Variants in SIPA1L3 observed in about 807,000 individuals in gnomAD.
The protein encoded by SIPA1L3 is signal-induced proliferation-associated 1-like protein 3.
Under a neutral mutation model 150.1 loss-of-function variants are expected in SIPA1L3, and 59 were observed. The ratio of observed to expected loss-of-function variants is 0.39; its 90% confidence interval spans 0.32 to 0.49. The LOEUF (loss-of-function observed/expected upper bound fraction) is 0.49, where lower values mean the gene tolerates loss of function less well. Among genes scored for constraint, SIPA1L3 ranks in the 20% least tolerant of loss-of-function variants. The pLI is 0.86. For missense variants in SIPA1L3, 2,211 were observed against 2,489.5 expected, an observed-to-expected ratio of 0.89 and a Z score of 2.38; for synonymous variants, 1,070 against 1,077.6, an observed-to-expected ratio of 0.99 and a Z score of 0.14.
At chr19:38,181,845 CA>C (rs572648983) in intron 15 of SIPA1L3, among the ~76,000 whole-genome samples, 6,605 of 62,894 alleles carry the variant, frequency 0.11, 151 homozygotes, top group South Asian at 0.16. Context: ...GACTCTGTCT[CA>C]AAAAAAAAAA....
intron 2 of SIPA1L3, among the ~76,000 whole-genome samples, chr19:38,039,694 A>T: frequency 2.0e-4 from 1 of 5,058 alleles, no homozygotes; most frequent in East Asian, 0.011. Context: ...ACTCTGTCTC[A>T]AAAAAAAAAA....
At chr19:38,034,850 T>C (rs1968743449) in intron 2 of SIPA1L3, among the ~76,000 whole-genome samples, 1 of 152,206 alleles carries the variant, frequency 6.6e-6, no homozygotes, top group Admixed American at 6.5e-5. Context: ...CTTCTAGCCT[T>C]TTCTTTCTCT....
chr19:37,945,645 TC>T (rs2046703962), intron 1 of SIPA1L3, among the ~76,000 whole-genome samples: 1 of 152,044 alleles, frequency 6.6e-6, no homozygotes, highest in Non-Finnish European at 1.5e-5. Flanking sequence ...GCTTAAGAGA[TC>T]CCCCCGTGTC....
intron 18 of SIPA1L3, among the ~76,000 whole-genome samples, chr19:38,195,063 AC>A (rs1419329312): frequency 6.6e-6 from 1 of 151,394 alleles, no homozygotes; most frequent in Non-Finnish European, 1.5e-5. Context: ...AAAAAAAAAA[AC>A]TTCCCCTGCA....
In SIPA1L3 at chr19:38,142,693, C is replaced by G; in HGVS notation, c.3516C>G (p.Tyr1172Ter). Reference protein sequence around the residue: ...STPGSATYVRYKPSPERYTAA... With the variant: ...STPGSATYVR Reference sequence around the variant, plus strand: ...CCGGTTCGGCCACCTACGTGAGATACAAGCCATCCCCAGAAAGGTCAGCCT... The same window carrying G: ...CCGGTTCGGCCACCTACGTGAGATAGAAGCCATCCCCAGAAAGGTCAGCCT... The change falls in exon 12 of 22, where the codon TAC becomes TAG. Residue 1172 changes from tyrosine (Y) to a stop codon, truncating the protein, a stop_gained. Transcript: ENST00000222345. LOFTEE classifies it high-confidence loss of function. 1 of 1,613,684 alleles carries G rather than the reference C, an allele frequency of 6.2e-7. No homozygotes were observed. The highest frequency in any genetic ancestry group is 8.5e-7 in the Non-Finnish European group (1 of 1,179,720).
chr19:37,993,559 CCAT>C (rs1212450983), intron 1 of SIPA1L3, among the ~76,000 whole-genome samples: 2 of 152,114 alleles, frequency 1.3e-5, no homozygotes, highest in African/African-American at 4.8e-5. Flanking sequence ...TATTATTAAA[CCAT>C]CCTAGAAAGC....
chr19:38,101,765 C>T (rs1312316061), intron 6 of SIPA1L3, among the ~76,000 whole-genome samples: 1 of 152,122 alleles, frequency 6.6e-6, no homozygotes, highest in Non-Finnish European at 1.5e-5. Flanking sequence ...TTTGAAGAGA[C>T]GCTGCTCTGT....
intron 1 of SIPA1L3, among the ~76,000 whole-genome samples, chr19:37,999,585 C>T (rs1469839065): frequency 3.3e-5 from 5 of 152,182 alleles, no homozygotes; most frequent in African/African-American, 4.8e-5. Flanking sequence ...CCATCTGGCA[C>T]TGGGTGGGTC....
At chr19:37,982,060 G>A (rs1967215048) in intron 1 of SIPA1L3, among the ~76,000 whole-genome samples, 1 of 152,202 alleles carries the variant, frequency 6.6e-6, no homozygotes, top group South Asian at 2.1e-4. Flanking sequence ...CCCGTGATAT[G>A]TGGCAAAACA....
At chr19:37,967,097 G>A (rs1417609016) in intron 1 of SIPA1L3, among the ~76,000 whole-genome samples, 1 of 152,032 alleles carries the variant, frequency 6.6e-6, no homozygotes. Context: ...TTCCTTCCGA[G>A]GTCTATCAAG....
chr19:38,124,339 A>C, intron 9 of SIPA1L3, among the ~76,000 whole-genome samples: 1 of 148,818 alleles, frequency 6.7e-6, no homozygotes, highest in African/African-American at 2.5e-5. Context: ...GCGGCCAGGC[A>C]GAGGCGCTCC....
intron 9 of SIPA1L3, among the ~76,000 whole-genome samples, chr19:38,123,823 A>G: frequency 8.4e-6 from 1 of 119,588 alleles, no homozygotes; most frequent in South Asian, 2.6e-4. Flanking sequence ...GGGGCTCCTC[A>G]CTTCCCAGTA....
chr19:37,997,596 C>T (rs1454149966), intron 1 of SIPA1L3, among the ~76,000 whole-genome samples: 2 of 135,874 alleles, frequency 1.5e-5, no homozygotes, highest in Non-Finnish European at 3.0e-5. Context: ...AGGCCGGGCA[C>T]GTTGGCTCAT....
chr19:38,057,068 C>T (rs1234112318), intron 2 of SIPA1L3, among the ~76,000 whole-genome samples: 2 of 152,004 alleles, frequency 1.3e-5, no homozygotes, highest in South Asian at 2.1e-4. Flanking sequence ...GTCAGGGGTT[C>T]GAGACCAGTC....
rs546092485 is a variant in SIPA1L3, at chr19:38,106,347, T to C, written c.2030-190T>C. 5.8e-6 allele frequency: 3 copies of C among 516,470 alleles called. No individual in the cohort carries two copies. The Admixed American group carries it at 9.4e-5, about 16-fold the overall frequency. 32.0% of individuals were successfully genotyped at this position (516,470 alleles called of 1,614,324 possible). ...GTCTCGAACTCCTGACCTCAGATGA[T>C]CCACCTGCCTCAGCCTCCCAAAGTG... On this transcript the variant is annotated intron_variant, in intron 6 of 21. Coordinates refer to ENST00000222345, the MANE Select transcript of SIPA1L3 (RefSeq NM_015073.3).
At chr19:38,095,169 TA>T (rs1466185367) in intron 4 of SIPA1L3, among the ~76,000 whole-genome samples, 32 of 152,350 alleles carry the variant, frequency 2.1e-4, no homozygotes, top group African/African-American at 6.5e-4. Flanking sequence ...CATCTACAGA[TA>T]ATAATGGTTA....
intron 1 of SIPA1L3, among the ~76,000 whole-genome samples, chr19:37,921,313 C>G (rs906526287): frequency 6.6e-6 from 1 of 152,158 alleles, no homozygotes; most frequent in Non-Finnish European, 1.5e-5. Flanking sequence ...TGGTAAAATT[C>G]TTATGCGGAA....
At chr19:37,949,593 A>T (rs560933431) in intron 1 of SIPA1L3, among the ~76,000 whole-genome samples, 1 of 152,020 alleles carries the variant, frequency 6.6e-6, no homozygotes, top group Non-Finnish European at 1.5e-5. Context: ...TGAACCTGGG[A>T]AGCGGAGGTT....
intron 2 of SIPA1L3, among the ~76,000 whole-genome samples, chr19:38,073,533 C>T (rs1969769693): frequency 6.6e-6 from 1 of 152,208 alleles, no homozygotes; most frequent in Non-Finnish European, 1.5e-5. Flanking sequence ...ATATACAGTT[C>T]CCCAGCTGCC....
Sources: gnomAD v4.1 joint callset for allele counts (sites outside exome capture counted in the v4.1 genomes callset) on GRCh38, gnomAD v4.1.1 for gene constraint, MANE v1.5 for transcripts, NCBI Gene and HGNC (gene_info 2026-07-23, HGNC 2026-07-21) for gene names.